The following SPARCL1 variants were observed in gnomAD, a reference collection of about 807,000 sequenced individuals.
SPARCL1 encodes SPARC-like protein 1.
In SPARCL1, 52 loss-of-function variants were observed where a neutral mutation model predicts 67.1. The ratio of observed to expected loss-of-function variants is 0.78; its 90% CI spans 0.62 to 0.98. The LOEUF is 0.98. SPARCL1 is among the 50% of genes least tolerant of loss of function. The probability of loss-of-function intolerance (pLI) is 0.00; values close to 1 mark genes in which losing one functional copy is unlikely to be tolerated. For synonymous variants in SPARCL1, 226 were observed against 267.8 expected (o/e 0.84, Z 1.52); for missense variants, 717 against 782.4 (o/e 0.92, Z 1.00).
chr4:87,477,321 C>G (rs1011603124), intron 10 of SPARCL1, among the ~76,000 whole-genome samples: 2 of 152,174 alleles, frequency 1.3e-5, no homozygotes, highest in African/African-American at 4.8e-5. Context: ...GTTTTCCCCT[C>G]TAGATAATGG....
rs1331891446 is a variant in SPARCL1 at position 87,489,925 on chromosome 4, T to C, written c.1531+348A>G. Among the ~76,000 whole-genome samples, 3 of 152,172 alleles carry C rather than the reference T, an allele frequency of 2.0e-5. No individual in the cohort carries two copies. The East Asian group carries it at 5.8e-4, about 29-fold the overall frequency. The stretch of plus-strand genomic sequence containing the variant: ...CTTCTTGGCAAAGGCTTAACTTAAA[T>C]TGGGAAGAGGGCAAATAATGTAGCA... On this transcript the variant is annotated intron_variant, in intron 7 of 10. Transcript: ENST00000282470.
At chr4:87,490,964 T>C (rs569923541) in intron 5 of SPARCL1, 86 bp from the exon 6 acceptor site, 1 of 821,710 alleles carries the variant, frequency 1.2e-6, no homozygotes, top group Non-Finnish European at 1.9e-6. Flanking sequence ...TCATTTTCAC[T>C]AATGAAGGGG....
At chr4:87,525,340 A>G (rs1048443758) in intron 1 of SPARCL1, among the ~76,000 whole-genome samples, 1 of 152,134 alleles carries the variant, frequency 6.6e-6, no homozygotes, top group African/African-American at 2.4e-5. Flanking sequence ...CTGTTATTAT[A>G]TCTATTTCAC....
chr4:87,512,122 A>G (rs1182177608), intron 1 of SPARCL1, among the ~76,000 whole-genome samples: 1 of 151,370 alleles, frequency 6.6e-6, no homozygotes, highest in Non-Finnish European at 1.5e-5. Flanking sequence ...GCGCCACCAA[A>G]CCCAGCTAAT....
At position 87,503,650 on chromosome 4, in the gene SPARCL1, G is replaced by T. The variant is rs560310134; in HGVS notation, c.-11-4065C>A. On this transcript the variant is annotated intron_variant, in intron 1 of 10. Transcript: ENST00000282470. ...TCCTGTGGGTCTTTGTGGGTCTTTG[G>T]TTCTAACTCAGCAAATGAAGTTTTT... Among the ~76,000 whole-genome samples the T allele has an allele frequency of 4.2e-5, 6 of 144,282 alleles. No homozygotes were observed. In the South Asian group the frequency reaches 1.2e-3, roughly 28 times the overall value. The allele number at this position is 144,282 out of a possible 152,430, so 94.7% of individuals were successfully genotyped here.
chr4:87,502,436 C>T (rs1724891090), intron 1 of SPARCL1, among the ~76,000 whole-genome samples: 1 of 152,210 alleles, frequency 6.6e-6, no homozygotes, highest in Non-Finnish European at 1.5e-5. Context: ...CCTCACCCTT[C>T]CCAGCCTCAA....
chr4:87,492,813 G>T (rs17012693), intron 4 of SPARCL1, among the ~76,000 whole-genome samples: 1 of 151,996 alleles, frequency 6.6e-6, no homozygotes, highest in African/African-American at 2.4e-5. Context: ...CCAGGATTTT[G>T]AATGAAAGCT....
In SPARCL1 at chr4:87,479,523, G is replaced by A. The variant is rs1470339788; in HGVS notation, c.1873C>T (p.His625Tyr). Reference protein sequence around the residue: ...PLRASLVPMEHCITRFFEECD... With the variant: ...PLRASLVPMEYCITRFFEECD... ...TCCTCAAAGAAACGGGTTATGCAGT[G>A]TTCCATGGGCACCAGAGATGCTCGC... The change falls in exon 10 of 11, where the codon CAC (histidine) becomes TAC (tyrosine). Residue 625 changes from histidine (H) to tyrosine (Y), a missense_variant. His to Tyr is a moderately conservative substitution (Grantham distance 83). Transcript: ENST00000282470. 1 of 1,614,154 alleles carries A rather than the reference G, an allele frequency of 6.2e-7. No individual in the cohort carries two copies. Among genetic ancestry groups the A allele is most frequent in the South Asian group, 1.1e-5 (1 of 91,086 alleles).
At chr4:87,494,725 C>T in intron 3 of SPARCL1, 127 bp from the exon 4 acceptor site, 1 of 923,828 alleles carries the variant, frequency 1.1e-6, no homozygotes, top group South Asian at 1.9e-5. Context: ...TTATAATATT[C>T]CTCACACTCT....
chr4:87,479,775 T>C (rs916789094), intron 9 of SPARCL1, among the ~76,000 whole-genome samples, 197 bp from the exon 10 acceptor site: 3 of 152,228 alleles, frequency 2.0e-5, no homozygotes, highest in Non-Finnish European at 4.4e-5. Context: ...TCACAAGTTT[T>C]CTGTCTTCAC....
intron 10 of SPARCL1, among the ~76,000 whole-genome samples, chr4:87,474,888 G>T (rs1052610161): frequency 7.2e-5 from 11 of 151,798 alleles, no homozygotes; most frequent in Admixed American, 1.3e-4. Flanking sequence ...GACTACAGGC[G>T]CCCGCCACCA....
chr4:87,494,484 G>T lies in SPARCL1; in HGVS notation c.316C>A (p.His106Asn), dbSNP rs1049544. Reference sequence around the variant, plus strand: ...GCATACTCCAAATTCACACTTAAGTGACCATCACTGTCCTCTTGATCCTTC... The same window carrying T: ...GCATACTCCAAATTCACACTTAAGTTACCATCACTGTCCTCTTGATCCTTC... Reference protein sequence around the residue: ...GLKDQEDSDGHLSVNLEYAPT... With the variant: ...GLKDQEDSDGNLSVNLEYAPT... The change falls in exon 4 of 11, where the codon CAC (histidine) becomes AAC (asparagine). Residue 106 changes from histidine (H) to asparagine (N), a missense_variant. By Grantham distance (68) the His-to-Asn change is moderately conservative. Transcript: ENST00000282470. The T allele has an allele frequency of 1.2e-6, 2 of 1,613,628 alleles. No homozygotes were observed. Among genetic ancestry groups the T allele is most frequent in the African/African-American group, 2.7e-5 (2 of 74,810 alleles).
intron 2 of SPARCL1, 77 bp from the exon 3 acceptor site, chr4:87,495,204 C>A: frequency 8.2e-7 from 1 of 1,225,838 alleles, no homozygotes; most frequent in South Asian, 1.3e-5. Context: ...CTCTTGTTGT[C>A]ATCATTATTA....
chr4:87,498,264 A>G (rs778766477), intron 2 of SPARCL1, among the ~76,000 whole-genome samples: 28 of 152,052 alleles, frequency 1.8e-4, no homozygotes, highest in Admixed American at 2.0e-4. Flanking sequence ...GTGGGTATAA[A>G]CTCTGTCTTC....
At chr4:87,511,259 G>A (rs993837006) in intron 1 of SPARCL1, among the ~76,000 whole-genome samples, 12 of 152,070 alleles carry the variant, frequency 7.9e-5, no homozygotes, top group African/African-American at 2.4e-4. Context: ...ACTTAATGAC[G>A]AATTAGATAT....
At position 87,473,909 on chromosome 4, in the gene SPARCL1, A is replaced by G. The variant is rs1215334473; in HGVS notation, c.1967-106T>C. On this transcript the variant is annotated intron_variant, in intron 10 of 10. Transcript: ENST00000282470. ...TAGAGAAACCATCTAATAAGGCAGT[A>G]TAATGGTGATCCTCAACTTTGGTAG... The G allele has an allele frequency of 1.3e-5, 9 of 695,868 alleles. No homozygotes were observed. The African/African-American group carries it at 1.6e-4, about 13-fold the overall frequency. The allele number at this position is 695,868 out of a possible 1,614,324, so 43.1% of individuals were successfully genotyped here. A position where few individuals can be genotyped will look rare whatever the true frequency, so the allele number is the denominator to read the frequency against.
chr4:87,483,164 GC>G (rs1386285906), intron 7 of SPARCL1, among the ~76,000 whole-genome samples: 8 of 149,540 alleles, frequency 5.3e-5, no homozygotes, highest in Non-Finnish European at 8.9e-5. Context: ...GTATACACAT[GC>G]CATAGTGGTT....
intron 2 of SPARCL1, among the ~76,000 whole-genome samples, chr4:87,499,024 G>A (rs1197158422): frequency 7.2e-5 from 11 of 151,906 alleles, no homozygotes; most frequent in Admixed American, 6.6e-4. Flanking sequence ...ACAGGTGCCC[G>A]CCACCATGCC....
intron 9 of SPARCL1, among the ~76,000 whole-genome samples, chr4:87,479,908 G>A (rs1723739311): frequency 6.6e-6 from 1 of 152,052 alleles, no homozygotes; most frequent in Non-Finnish European, 1.5e-5. Flanking sequence ...GACCCACATT[G>A]GGCCAATCTT....
Sources: allele counts gnomAD v4.1 joint callset (sites outside exome capture counted in the v4.1 genomes callset), GRCh38; gene constraint gnomAD v4.1.1; transcripts MANE v1.5; gene names NCBI Gene and HGNC (gene_info 2026-07-23, HGNC 2026-07-21).